KAZN: variants seen among roughly 807,000 people sequenced by gnomAD.
The protein encoded by KAZN is kazrin.
Under a neutral mutation model 87.4 loss-of-function variants are expected in KAZN, and 40 were observed. The ratio of observed to expected loss-of-function variants is 0.46; its 90% CI spans 0.36 to 0.60. The LOEUF (loss-of-function observed/expected upper bound fraction) is 0.60, where lower values mean the gene tolerates loss of function less well. Among genes scored for constraint, KAZN ranks in the 20% least tolerant of loss-of-function variants. KAZN has a pLI of 0.00. For missense variants in KAZN, 898 were observed against 1,073.9 expected (o/e 0.84, Z 2.29); for synonymous variants, 466 against 458.3 (o/e 1.02, Z -0.22).
At chr1:14,561,713 G>A (rs766229318) in intron 2 of KAZN, among the ~76,000 whole-genome samples, 5 of 152,100 alleles carry the variant, frequency 3.3e-5, no homozygotes, top group Admixed American at 6.5e-5. Flanking sequence ...AGACAGACCT[G>A]GCCAATATGA....
chr1:15,099,801 C>T lies in KAZN; in HGVS notation c.1548-1742C>T, dbSNP rs141981678. On this transcript the variant is annotated intron_variant, in intron 10 of 14. Coordinates refer to ENST00000376030, the MANE Select transcript of KAZN (RefSeq NM_201628.3). This position sits in a 1 kb window ranked among gnomAD's most constrained non-coding sequence, Gnocchi z 5.4. The stretch of plus-strand genomic sequence containing the variant: ...ATAGAAGGGAAGCAAAGGCAGGAAA[C>T]GGGGAGCAGCCGGGGAAAGTGGCAG... 5.9e-5 allele frequency among the ~76,000 whole-genome samples: 9 copies of T among 152,266 alleles called. No individual in the cohort carries two copies. The highest frequency in any genetic ancestry group is 1.9e-4 in the East Asian group (1 of 5,178).
At chr1:14,637,942 G>C (rs1680118381) in intron 1 of KAZN, among the ~76,000 whole-genome samples, 1 of 152,048 alleles carries the variant, frequency 6.6e-6, no homozygotes, top group South Asian at 2.1e-4. Flanking sequence ...TGGGAGGTCT[G>C]GGGGAGAGAC....
chr1:14,329,036 G>A (rs976959989), intron 2 of KAZN, among the ~76,000 whole-genome samples: 3 of 152,142 alleles, frequency 2.0e-5, no homozygotes, highest in African/African-American at 7.2e-5. Flanking sequence ...AAATTTTAAT[G>A]ATTCAGGTGA....
At chr1:14,669,471 C>T (rs529555458) in intron 1 of KAZN, among the ~76,000 whole-genome samples, 8 of 152,292 alleles carry the variant, frequency 5.3e-5, no homozygotes, top group East Asian at 1.9e-4. Context: ...GAGCTGGGCG[C>T]GGTGGCTCAC....
chr1:14,385,074 T>C (rs968583330), intron 2 of KAZN, among the ~76,000 whole-genome samples: 1 of 151,914 alleles, frequency 6.6e-6, no homozygotes, highest in African/African-American at 2.4e-5. Context: ...AATTTATCCA[T>C]TTCTTCTAGA....
chr1:14,114,525 C>G (rs762729928), intron 1 of KAZN, among the ~76,000 whole-genome samples: 2 of 152,078 alleles, frequency 1.3e-5, no homozygotes, highest in Non-Finnish European at 2.9e-5. Context: ...TCGATGCCCC[C>G]CATATCCTCC....
At chr1:14,177,546 G>A (rs993858215) in intron 1 of KAZN, among the ~76,000 whole-genome samples, 3 of 152,058 alleles carry the variant, frequency 2.0e-5, no homozygotes, top group South Asian at 2.1e-4. Flanking sequence ...TGGCAATTTC[G>A]GTTGGCAAGT....
At chr1:14,183,315 G>T (rs1022699465) in intron 2 of KAZN, among the ~76,000 whole-genome samples, 1 of 152,146 alleles carries the variant, frequency 6.6e-6, no homozygotes, top group Non-Finnish European at 1.5e-5. Context: ...AATCCATCCT[G>T]GAAAATGGAA....
Position 14,156,193 on chromosome 1 carries a change from A to C in KAZN, c.92-24242A>C, listed in dbSNP as rs377049251. ...TTTCTAGTTTTATTCCATTGTGGTC[A>C]GAGAAGATGCTTGATATTATTTCAA... On this transcript the variant is annotated intron_variant, in intron 1 of 16. Transcript: ENST00000636203. 1.1e-3 allele frequency among the ~76,000 whole-genome samples: 175 copies of C among 152,306 alleles called. 1 individual carries two copies. The highest frequency in any genetic ancestry group is 6.8e-3 in the Middle Eastern group (2 of 294).
chr1:14,223,952 A>G (rs1216600389), intron 2 of KAZN, among the ~76,000 whole-genome samples: 1 of 152,214 alleles, frequency 6.6e-6, no homozygotes, highest in Admixed American at 6.5e-5. Flanking sequence ...TTCAACAAAC[A>G]CGAAGGGAGA....
chr1:14,915,467 G>GTGAAA (rs1400180514), intron 1 of KAZN, among the ~76,000 whole-genome samples: 1 of 152,144 alleles, frequency 6.6e-6, no homozygotes, highest in African/African-American at 2.4e-5. Flanking sequence ...AATTGCAATG[G>GTGAAA]TGAACATAGT....
At chr1:14,775,180 G>A (rs891596278) in intron 1 of KAZN, among the ~76,000 whole-genome samples, 1 of 152,216 alleles carries the variant, frequency 6.6e-6, no homozygotes, top group African/African-American at 2.4e-5. Context: ...CCATTTTACA[G>A]ATGCAGAGAG....
chr1:14,444,823 G>C (rs112894440), intron 2 of KAZN, among the ~76,000 whole-genome samples: 1 of 152,066 alleles, frequency 6.6e-6, no homozygotes, highest in South Asian at 2.1e-4. Context: ...TCTAATCACC[G>C]CACTAGCCTC....
Position 15,005,896 on chromosome 1 carries a change from C to T in KAZN, c.419-28853C>T, listed in dbSNP as rs1354005797. Among the ~76,000 whole-genome samples, 52 of 152,200 alleles carry T rather than the reference C, an allele frequency of 3.4e-4. 1 individual carries two copies. Among genetic ancestry groups the T allele is most frequent in the Admixed American group, 3.4e-3 (52 of 15,278 alleles). ...GTTTCCTTTGTGATGGGACAGACAT[C>T]TCAGCGGGCCGCAGTGGCACTTAAC... On this transcript the variant is annotated intron_variant, in intron 2 of 14. Transcript: ENST00000376030.
chr1:14,485,353 G>A (rs559989911), intron 2 of KAZN, among the ~76,000 whole-genome samples: 8 of 152,138 alleles, frequency 5.3e-5, no homozygotes, highest in Admixed American at 1.3e-4. Context: ...ATGTCTTTAT[G>A]AGGTAGGAGG....
intron 1 of KAZN, among the ~76,000 whole-genome samples, chr1:14,822,735 T>C (rs1646771093): frequency 6.6e-6 from 1 of 152,188 alleles, no homozygotes; most frequent in South Asian, 2.1e-4. Flanking sequence ...TTCCGGCATC[T>C]GGTCTATCCC....
At chr1:15,112,746 G>A (rs2100756181) in intron 14 of KAZN, 1 of 514,626 alleles carries the variant, frequency 1.9e-6, no homozygotes, top group South Asian at 2.5e-5. Flanking sequence ...AGCCCCCGCA[G>A]GGCTTCGAGT....
Position 14,091,696 on chromosome 1 carries a change from G to T in KAZN, c.92-88739G>T, listed in dbSNP as rs114367134. On this transcript the variant is annotated intron_variant, in intron 1 of 16. Transcript: ENST00000636203. Reference sequence around the variant, plus strand: ...GATTCATAACTTTTGGGGGCCTATGGGTTTGTTAAATCTATGGACCCCCTC... The same window carrying T: ...GATTCATAACTTTTGGGGGCCTATGTGTTTGTTAAATCTATGGACCCCCTC... Among the ~76,000 whole-genome samples, 1,082 of 152,214 alleles carry T rather than the reference G, an allele frequency of 7.1e-3. 15 individuals carry two copies. The highest frequency in any genetic ancestry group is 0.024 in the African/African-American group (1,002 of 41,512).
intron 8 of KAZN, among the ~76,000 whole-genome samples, chr1:15,075,740 C>T (rs1423722581): frequency 6.6e-6 from 1 of 152,174 alleles, no homozygotes; most frequent in Non-Finnish European, 1.5e-5. Context: ...TGCACAGCAC[C>T]CACATGAGGC....
Sources: gnomAD v4.1 joint callset for allele counts (sites outside exome capture counted in the v4.1 genomes callset) on GRCh38, gnomAD v4.1.1 for gene constraint, Gnocchi (gnomAD v3.1) non-coding constraint, MANE v1.5 for transcripts, NCBI Gene and HGNC (gene_info 2026-07-23, HGNC 2026-07-21) for gene names.